Variants in APLF observed in about 807,000 individuals in gnomAD.
The protein encoded by APLF is aprataxin and PNK-like factor.
Under a neutral mutation model 55.6 loss-of-function variants are expected in APLF, and 61 were observed. That is an observed-to-expected ratio of 1.10 (90% CI 0.89 to 1.36). The LOEUF is 1.36. Among genes scored for constraint, APLF ranks in the 40% most tolerant of loss-of-function variants. The pLI is 0.00. For synonymous variants in APLF, 207 were observed against 214.8 expected, an observed-to-expected ratio of 0.96 and a Z score of 0.32; for missense variants, 611 against 602.5, an observed-to-expected ratio of 1.01 and a Z score of -0.15.
chr2:68,467,934 C>A, intron 1 of APLF, 107 bp downstream of exon 1: 2 of 854,818 alleles, frequency 2.3e-6, no homozygotes, highest in Non-Finnish European at 3.1e-6. Flanking sequence ...ACTGGTCCGC[C>A]GGTCCGGATT....
At chr2:68,468,240 G>T (rs889909548) in intron 1 of APLF, among the ~76,000 whole-genome samples, 1 of 152,226 alleles carries the variant, frequency 6.6e-6, no homozygotes, top group African/African-American at 2.4e-5. Context: ...AATATTTACA[G>T]TAGTGTCTGG....
At chr2:68,552,196 G>A (rs944938098) in intron 8 of APLF, among the ~76,000 whole-genome samples, 2 of 152,116 alleles carry the variant, frequency 1.3e-5, no homozygotes, top group African/African-American at 4.8e-5. Context: ...CTTTGTCTCT[G>A]AAACACGACT....
chr2:68,566,180 A>G (rs1305645980), intron 8 of APLF, among the ~76,000 whole-genome samples: 1 of 152,124 alleles, frequency 6.6e-6, no homozygotes, highest in Non-Finnish European at 1.5e-5. Flanking sequence ...CCTGTTATAT[A>G]CTTTTTAAAA....
intron 1 of APLF, among the ~76,000 whole-genome samples, chr2:68,477,156 T>C (rs1000744476): frequency 6.6e-6 from 1 of 152,176 alleles, no homozygotes; most frequent in Non-Finnish European, 1.5e-5. Flanking sequence ...TTGAGAGATA[T>C]GTAGACAAAT....
chr2:68,551,019 G>A (rs1037805388), intron 8 of APLF, among the ~76,000 whole-genome samples: 6 of 151,626 alleles, frequency 4.0e-5, no homozygotes, highest in Admixed American at 1.3e-4. Flanking sequence ...ACTTCTTTGC[G>A]TTTTTCTTAT....
intron 1 of APLF, among the ~76,000 whole-genome samples, chr2:68,478,905 T>A (rs1253151697): frequency 6.6e-6 from 1 of 152,214 alleles, no homozygotes; most frequent in African/African-American, 2.4e-5. Flanking sequence ...AACCACCAGC[T>A]GCCATTCTTT....
intron 5 of APLF, among the ~76,000 whole-genome samples, chr2:68,519,680 A>G (rs902217942): frequency 2.9e-4 from 43 of 149,148 alleles, no homozygotes; most frequent in Admixed American, 3.4e-4. Flanking sequence ...AAATATATGT[A>G]TATATATATA....
Position 68,467,611 on chromosome 2 carries a change from C to T in APLF, c.-121C>T. The T allele has an allele frequency of 1.3e-6, 1 of 793,992 alleles. No homozygotes were observed. Among genetic ancestry groups the T allele is most frequent in the Non-Finnish European group, 1.7e-6 (1 of 586,854 alleles). 49.2% of individuals were successfully genotyped at this position (793,992 alleles called of 1,614,324 possible). On this transcript the variant is annotated 5_prime_UTR_variant, in exon 1 of 10. Transcript: ENST00000303795. The stretch of plus-strand genomic sequence containing the variant: ...AGAGGACCGGCGCAGCCGCGGGGAG[C>T]CTTTGAGGCCCTCCCTCGGTGTTTT...
rs1473096811 is a variant in APLF at position 68,519,161 on chromosome 2, C to G, written c.622+5481C>G. On this transcript the variant is annotated intron_variant, in intron 5 of 9. Transcript: ENST00000303795. ...ATTTTATATATATATAAAGACTTGA[C>G]CAAAAATTGGACCAATGTGACTATA... is the stretch of plus-strand genomic sequence containing the variant. Among the ~76,000 whole-genome samples the G allele has an allele frequency of 4.6e-5, 6 of 131,044 alleles. No homozygotes were observed. In the East Asian group the frequency reaches 1.0e-3, roughly 23 times the overall value. The allele number at this position is 131,044 out of a possible 152,430, so 86.0% of individuals were successfully genotyped here. A position where few individuals can be genotyped will look rare whatever the true frequency, so the allele number is the denominator to read the frequency against.
At position 68,578,872 on chromosome 2, in the gene APLF, C is replaced by T. The variant is rs941945943; in HGVS notation, c.*850C>T. 41 of 985,174 alleles carry T rather than the reference C, an allele frequency of 4.2e-5. No homozygotes were observed. The highest frequency in any genetic ancestry group is 4.7e-5 in the Non-Finnish European group (39 of 829,878). 61.0% of individuals were successfully genotyped at this position (985,174 alleles called of 1,614,324 possible). On this transcript the variant is annotated 3_prime_UTR_variant, in exon 10 of 10. Coordinates refer to ENST00000303795, the MANE Select transcript of APLF (RefSeq NM_173545.3). ...GCAAGTTGTTTGCCAGTTGAAAGTT[C>T]AAGATTCTGGCCTCCCATATCAAGA...
intron 6 of APLF, among the ~76,000 whole-genome samples, chr2:68,536,785 G>A (rs558221521): frequency 5.3e-5 from 8 of 152,174 alleles, no homozygotes; most frequent in Non-Finnish European, 1.0e-4. Flanking sequence ...AAAATTTTCC[G>A]TGAGGGCAAA....
chr2:68,554,059 G>A (rs1219247167), intron 8 of APLF, among the ~76,000 whole-genome samples: 3 of 151,938 alleles, frequency 2.0e-5, no homozygotes, highest in African/African-American at 7.2e-5. Context: ...TTATATGGTA[G>A]TATATTGTAT....
chr2:68,520,491 A>G (rs1029580708), intron 5 of APLF, among the ~76,000 whole-genome samples: 2 of 152,006 alleles, frequency 1.3e-5, no homozygotes, highest in African/African-American at 4.8e-5. Context: ...TGATTTTTGT[A>G]TAAGGTGAGA....
intron 6 of APLF, 46 bp from the exon 7 acceptor site, chr2:68,537,826 A>T (rs1172008776): frequency 1.4e-6 from 2 of 1,380,774 alleles, no homozygotes; most frequent in Non-Finnish European, 2.0e-6. Flanking sequence ...ATATCTTTTT[A>T]AAAATGTTTC....
At chr2:68,553,063 T>C (rs1670909487) in intron 8 of APLF, among the ~76,000 whole-genome samples, 1 of 152,118 alleles carries the variant, frequency 6.6e-6, no homozygotes, top group African/African-American at 2.4e-5. Context: ...CCAAAGCTGG[T>C]GAGATAAAAC....
chr2:68,469,265 G>A (rs935290543), intron 1 of APLF, among the ~76,000 whole-genome samples: 15 of 152,068 alleles, frequency 9.9e-5, no homozygotes, highest in African/African-American at 3.4e-4. Context: ...GTAATCATAT[G>A]TCTGGTGACT....
At chr2:68,483,539 G>T (rs1276169869) in intron 1 of APLF, among the ~76,000 whole-genome samples, 1 of 152,054 alleles carries the variant, frequency 6.6e-6, no homozygotes, top group African/African-American at 2.4e-5. Flanking sequence ...TCCCTTTTTG[G>T]GGGGCAAAGG....
chr2:68,468,703 A>G (rs1558523132), intron 1 of APLF, among the ~76,000 whole-genome samples: 1 of 152,242 alleles, frequency 6.6e-6, no homozygotes, highest in Non-Finnish European at 1.5e-5. Flanking sequence ...TTAACATTCA[A>G]CATTTCTTGT....
intron 1 of APLF, among the ~76,000 whole-genome samples, chr2:68,483,119 A>G (rs1676016746): frequency 6.6e-6 from 1 of 152,064 alleles, no homozygotes; most frequent in Admixed American, 6.5e-5. Flanking sequence ...CCAGAGCAGG[A>G]CGCCCTCCAG....
Sources: allele counts gnomAD v4.1 joint callset (sites outside exome capture counted in the v4.1 genomes callset), GRCh38; gene constraint gnomAD v4.1.1; transcripts MANE v1.5; gene names NCBI Gene and HGNC (gene_info 2026-07-23, HGNC 2026-07-21).